The following SYT7 variants were observed in gnomAD, a reference collection of about 807,000 sequenced individuals.
The protein encoded by SYT7 is synaptotagmin-7.
A neutral mutation model predicts 75.1 loss-of-function variants in SYT7; 29 were observed. The ratio of observed to expected loss-of-function variants is 0.39; its 90% confidence interval spans 0.29 to 0.53. The LOEUF is 0.53. Ranked by LOEUF, SYT7 falls within the 20% of genes least tolerant of loss-of-function variation. The pLI is 0.77. For synonymous variants in SYT7, 376 were observed against 401.7 expected, an observed-to-expected ratio of 0.94 and a Z score of 0.76; for missense variants, 693 against 953.2, an observed-to-expected ratio of 0.73 and a Z score of 3.59.
rs1450473606 is a variant in SYT7 at position 61,558,499 on chromosome 11, C to CACAT, written c.32-2293_32-2292insATGT. ...AAATATATATATACACACACACACA[C>CACAT]ACACATACACACACACACACACACA... On this transcript the variant is annotated intron_variant, in intron 1 of 12. Transcript: ENST00000539008. Among the ~76,000 whole-genome samples the CACAT allele has an allele frequency of 6.4e-5, 9 of 140,932 alleles. No homozygotes were observed. In the South Asian group the frequency reaches 1.8e-3, roughly 28 times the overall value. The allele number at this position is 140,932 out of a possible 152,430, so 92.5% of individuals were successfully genotyped here. A position where few individuals can be genotyped will look rare whatever the true frequency, so the allele number is the denominator to read the frequency against.
chr11:61,526,757 C>T (rs141131273), intron 9 of SYT7, among the ~76,000 whole-genome samples: 20 of 152,300 alleles, frequency 1.3e-4, no homozygotes, highest in South Asian at 2.1e-4. Flanking sequence ...TATCTCTAAA[C>T]GGGCCCTCAT....
At chr11:61,556,076 C>T in intron 2 of SYT7, 28 bp downstream of exon 2, 3 of 1,597,906 alleles carry the variant, frequency 1.9e-6, no homozygotes, top group East Asian at 2.2e-5. Context: ...CTAGGCACCA[C>T]CCTCCAAGGG....
upstream of SYT7, among the ~76,000 whole-genome samples, chr11:61,583,858 CA>C (rs2064331710): frequency 6.6e-6 from 1 of 152,196 alleles, no homozygotes; most frequent in Non-Finnish European, 1.5e-5. Context: ...AGCATTGACA[CA>C]GAAAAAGCTT....
At chr11:61,534,445 G>GCACA (rs10653898) in intron 7 of SYT7, among the ~76,000 whole-genome samples, 150,178 of 151,656 alleles carry the variant, frequency 0.99, 74,368 homozygotes, top group Middle Eastern at 1. Context: ...GCACACGCAC[G>GCACA]CACACACGCA....
At chr11:61,587,740 A>G in the SYT7 span, among the ~76,000 whole-genome samples, 21,454 of 152,222 alleles carry the variant, frequency 0.14, 3,943 homozygotes, top group African/African-American at 0.43. Context: ...GGCGCCCCCA[A>G]CATTGAAGTC....
chr11:61,574,076 C>A (rs142299143), intron 1 of SYT7, among the ~76,000 whole-genome samples: 2 of 152,250 alleles, frequency 1.3e-5, no homozygotes, highest in African/African-American at 4.8e-5. Context: ...CCAACTCCTC[C>A]ACCATGGAGG....
rs768986317 is a variant in SYT7, at chr11:61,524,542, T to C, written c.1472-10A>G. ...TTCTCATAGGGAAAACCTGGGGGTA[T>C]AGATGAGTGTGAGTGAAGAGGGGGA... On this transcript the variant is annotated splice_polypyrimidine_tract_variant and intron_variant, in intron 9 of 12. Coordinates refer to ENST00000539008, the MANE Select transcript of SYT7 (RefSeq NM_001365809.2). The surrounding 1 kb of genome is among the most constrained non-coding windows in gnomAD (Gnocchi z 4.1). The C allele has an allele frequency of 1.5e-5, 24 of 1,568,760 alleles. 1 individual carries two copies. The South Asian group carries it at 2.8e-4, about 18-fold the overall frequency.
intron 5 of SYT7, among the ~76,000 whole-genome samples, chr11:61,544,864 A>C: frequency 6.6e-6 from 1 of 152,126 alleles, no homozygotes; most frequent in East Asian, 1.9e-4. Context: ...ACTCAAGCCA[A>C]CTAGCGAAAG....
intron 1 of SYT7, among the ~76,000 whole-genome samples, chr11:61,566,054 C>T (rs775611483): frequency 1.1e-4 from 17 of 152,248 alleles, no homozygotes; most frequent in Non-Finnish European, 2.2e-4. Flanking sequence ...CACAAGCACT[C>T]CTACTCCTCA....
chr11:61,529,386 C>T lies in SYT7; in HGVS notation c.1201-1201G>A, dbSNP rs576435738. On this transcript the variant is annotated intron_variant, in intron 8 of 12. Transcript: ENST00000539008. ...CCATGACCAGCGACTCTCGCATCGC[C>T]GTCTCCTTACTGAATCCTGACAATA... Among the ~76,000 whole-genome samples the T allele has an allele frequency of 2.0e-4, 31 of 152,316 alleles. 1 individual carries two copies. The East Asian group carries it at 4.2e-3, about 21-fold the overall frequency.
chr11:61,534,460 CGT>C (rs1345130073), intron 7 of SYT7, among the ~76,000 whole-genome samples: 7 of 152,036 alleles, frequency 4.6e-5, no homozygotes, highest in African/African-American at 1.7e-4. Flanking sequence ...CACGCACGTG[CGT>C]GCATATGTAC....
intron 12 of SYT7, among the ~76,000 whole-genome samples, chr11:61,522,616 C>G (rs1312674588): frequency 2.6e-5 from 4 of 152,188 alleles, no homozygotes; most frequent in African/African-American, 9.7e-5. Flanking sequence ...GAGGCCGAGC[C>G]ACTTGCCCAA....
chr11:61,558,389 G>C (rs2063549087), intron 1 of SYT7, among the ~76,000 whole-genome samples: 1 of 152,018 alleles, frequency 6.6e-6, no homozygotes, highest in Non-Finnish European at 1.5e-5. Context: ...TGGCATGGGG[G>C]TTGGAGGGGG....
At chr11:61,560,885 T>A (rs2063620773) in intron 1 of SYT7, among the ~76,000 whole-genome samples, 1 of 152,052 alleles carries the variant, frequency 6.6e-6, no homozygotes, top group Non-Finnish European at 1.5e-5. Flanking sequence ...CGGGCATTGT[T>A]AGGGAGGGCT....
intron 2 of SYT7, among the ~76,000 whole-genome samples, chr11:61,555,033 C>T (rs1327744853): frequency 2.0e-5 from 3 of 152,222 alleles, no homozygotes; most frequent in African/African-American, 7.2e-5. Context: ...ACCCCAAAAC[C>T]TTTTCCCAGG....
upstream of SYT7, among the ~76,000 whole-genome samples, chr11:61,583,176 A>T (rs1292220739): frequency 6.6e-6 from 1 of 151,956 alleles, no homozygotes; most frequent in African/African-American, 2.4e-5. Context: ...GCAGTGAGCC[A>T]TGATTGCACC....
chr11:61,556,041 TGG>T, intron 2 of SYT7, 61 bp downstream of exon 2: 1 of 1,370,060 alleles, frequency 7.3e-7, no homozygotes, highest in South Asian at 1.2e-5. Flanking sequence ...TGTGTGTGTG[TGG>T]GGAGGGGGGG....
At chr11:61,561,192 A>T (rs1385974418) in intron 1 of SYT7, among the ~76,000 whole-genome samples, 2 of 152,182 alleles carry the variant, frequency 1.3e-5, no homozygotes, top group Non-Finnish European at 2.9e-5. Flanking sequence ...TGAGTGCCAC[A>T]ACCTATCCTG....
At chr11:61,526,231 T>C (rs1385240287) in intron 9 of SYT7, 6 of 152,192 alleles carry the variant, frequency 3.9e-5, no homozygotes, top group Non-Finnish European at 7.3e-5. Context: ...TGGGAAGCTG[T>C]GTCTTGCTTA....
Sources: gnomAD v4.1 joint callset for allele counts (sites outside exome capture counted in the v4.1 genomes callset) on GRCh38, gnomAD v4.1.1 for gene constraint, Gnocchi (gnomAD v3.1) non-coding constraint, MANE v1.5 for transcripts, NCBI Gene and HGNC (gene_info 2026-07-23, HGNC 2026-07-21) for gene names.